The following NUP98 variants were observed in gnomAD, a reference collection of about 807,000 sequenced individuals.
The protein encoded by NUP98 is nuclear pore complex protein Nup98-Nup96.
Under a neutral mutation model 191.9 loss-of-function variants are expected in NUP98, and 26 were observed. The observed-to-expected ratio is 0.14, with a 90% confidence interval of 0.10 to 0.19. NUP98 has a LOEUF of 0.19. Among genes scored for constraint, NUP98 ranks in the 10% least tolerant of loss-of-function variants. The pLI is 1.00. For synonymous variants in NUP98, 808 were observed against 778.4 expected (o/e 1.04, Z -0.63); for missense variants, 1,941 against 2,178.8 (o/e 0.89, Z 2.17).
intron 23 of NUP98, 56 bp downstream of exon 23, chr11:3,702,407 G>T (rs920301841): frequency 2.9e-6 from 4 of 1,359,616 alleles, no homozygotes; most frequent in Non-Finnish European, 4.0e-6. Flanking sequence ...CTCCTGATTA[G>T]TTTTTTTCAC....
At chr11:3,690,102 C>A (rs1194854859) in intron 28 of NUP98, among the ~76,000 whole-genome samples, 1 of 151,612 alleles carries the variant, frequency 6.6e-6, no homozygotes, top group Admixed American at 6.6e-5. Flanking sequence ...CAGGTGCCTA[C>A]CACAACACCC....
chr11:3,766,971 T>C (rs912643756), intron 8 of NUP98, among the ~76,000 whole-genome samples: 2 of 152,122 alleles, frequency 1.3e-5, no homozygotes, highest in Non-Finnish European at 1.5e-5. Flanking sequence ...TTTTTGTTTG[T>C]TTGTTTGTTT....
chr11:3,766,484 G>C (rs563909816), intron 8 of NUP98, among the ~76,000 whole-genome samples: 33 of 152,100 alleles, frequency 2.2e-4, no homozygotes, highest in Non-Finnish European at 4.4e-4. Context: ...GAGGTCAGGA[G>C]TTTGAGACCA....
chr11:3,737,691 CAA>C (rs2080121166), intron 12 of NUP98, among the ~76,000 whole-genome samples: 1 of 151,900 alleles, frequency 6.6e-6, no homozygotes, highest in Non-Finnish European at 1.5e-5. Flanking sequence ...AAAGAAGAGT[CAA>C]AGGTTTCTTA....
At chr11:3,793,972 AAAAT>A (rs75347478) in intron 1 of NUP98, among the ~76,000 whole-genome samples, 1 of 151,880 alleles carries the variant, frequency 6.6e-6, no homozygotes, top group African/African-American at 2.4e-5. Context: ...TCTGTCTCAA[AAAAT>A]AAATAAATAA....
At chr11:3,678,950 TATCTCTACTA>T (rs2077902998) in intron 31 of NUP98, among the ~76,000 whole-genome samples, 1 of 151,924 alleles carries the variant, frequency 6.6e-6, no homozygotes, top group African/African-American at 2.4e-5. Context: ...GGTGAAACAC[TATCTCTACTA>T]AAAATACAAA....
At chr11:3,744,794 C>A in intron 11 of NUP98, 145 bp from the exon 12 acceptor site, 1 of 832,500 alleles carries the variant, frequency 1.2e-6, no homozygotes, top group Non-Finnish European at 1.8e-6. Context: ...GTAAGTGTTA[C>A]TGCAGGTCAA....
chr11:3,787,987 T>C (rs541307118), intron 1 of NUP98, among the ~76,000 whole-genome samples: 36 of 151,986 alleles, frequency 2.4e-4, no homozygotes, highest in Admixed American at 2.3e-3. Context: ...CCAGAGTCCA[T>C]CTCAAAAAAA....
intron 12 of NUP98, among the ~76,000 whole-genome samples, chr11:3,740,464 T>C (rs1011439719): frequency 3.3e-5 from 5 of 149,942 alleles, no homozygotes; most frequent in Admixed American, 6.7e-5. Context: ...TGAGCCAAGA[T>C]CAAGATCACA....
chr11:3,751,883 A>G (rs537219384), intron 11 of NUP98, among the ~76,000 whole-genome samples: 1 of 152,002 alleles, frequency 6.6e-6, no homozygotes, highest in Admixed American at 6.6e-5. Flanking sequence ...TTTATCTTAA[A>G]AAGAAGACTG....
chr11:3,716,935 C>A (rs1320707341), intron 18 of NUP98, among the ~76,000 whole-genome samples: 1 of 152,044 alleles, frequency 6.6e-6, no homozygotes, highest in Non-Finnish European at 1.5e-5. Flanking sequence ...ACAAATCATG[C>A]CGCTGGGATT....
chr11:3,676,012 A>G lies in NUP98; in HGVS notation c.*147T>C. 1.4e-6 allele frequency: 1 copy of G among 691,956 alleles called. No homozygotes were observed. The highest frequency in any genetic ancestry group is 2.6e-5 in the Admixed American group (1 of 39,070). The allele number at this position is 691,956 out of a possible 1,614,324, so 42.9% of individuals were successfully genotyped here. A position where few individuals can be genotyped will look rare whatever the true frequency, so the allele number is the denominator to read the frequency against. Reference sequence around the variant, plus strand: ...TCAGTATTAAGAAAAGCCCTGAACAAGTGGAGGATGCTGCTTCTGGCAGCA... The same window carrying G: ...TCAGTATTAAGAAAAGCCCTGAACAGGTGGAGGATGCTGCTTCTGGCAGCA... On this transcript the variant is annotated 3_prime_UTR_variant, in exon 33 of 33. Coordinates refer to ENST00000324932, the MANE Select transcript of NUP98 (RefSeq NM_016320.5).
intron 26 of NUP98, among the ~76,000 whole-genome samples, chr11:3,694,505 C>T (rs777576758): frequency 2.0e-5 from 3 of 151,418 alleles, no homozygotes; most frequent in African/African-American, 4.9e-5. Flanking sequence ...CTTCAGGAGG[C>T]TGAGGCAGGC....
intron 28 of NUP98, among the ~76,000 whole-genome samples, chr11:3,691,092 G>A (rs772216375): frequency 1.3e-5 from 2 of 152,122 alleles, no homozygotes; most frequent in African/African-American, 2.4e-5. Flanking sequence ...GTTACAATGC[G>A]ATAGTTACTA....
chr11:3,695,654 C>T (rs775274398), intron 25 of NUP98, 48 bp from the exon 26 acceptor site: 1 of 1,289,198 alleles, frequency 7.8e-7, no homozygotes, highest in East Asian at 2.7e-5. Context: ...GGTTTATGGA[C>T]TTCGTCAAAC....
intron 22 of NUP98, 62 bp from the exon 23 acceptor site, chr11:3,702,954 G>C: frequency 7.5e-7 from 1 of 1,330,554 alleles, no homozygotes. Context: ...ATTGTTTCTT[G>C]AACAATAACA....
intron 29 of NUP98, among the ~76,000 whole-genome samples, chr11:3,685,445 G>A (rs181669800): frequency 1.3e-5 from 2 of 152,350 alleles, no homozygotes; most frequent in African/African-American, 2.4e-5. Flanking sequence ...TGGAGTCACT[G>A]AGGCAGCTCA....
intron 7 of NUP98, among the ~76,000 whole-genome samples, chr11:3,770,815 T>C (rs2081507190): frequency 6.6e-6 from 1 of 152,194 alleles, no homozygotes; most frequent in Non-Finnish European, 1.5e-5. Flanking sequence ...CATCGGCAAA[T>C]TCCATCAGTT....
chr11:3,721,323 T>C (rs184462989), intron 16 of NUP98, among the ~76,000 whole-genome samples: 23 of 152,324 alleles, frequency 1.5e-4, no homozygotes, highest in Admixed American at 1.0e-3. Context: ...CCAAACCCAA[T>C]TCTTCTTGTT....
Sources: gnomAD v4.1 joint callset for allele counts (sites outside exome capture counted in the v4.1 genomes callset) on GRCh38, gnomAD v4.1.1 for gene constraint, MANE v1.5 for transcripts, NCBI Gene and HGNC (gene_info 2026-07-23, HGNC 2026-07-21) for gene names.